BIRC5: variants seen among roughly 807,000 people sequenced by gnomAD.
The protein encoded by BIRC5 is baculoviral IAP repeat containing 5, also known as baculoviral IAP repeat-containing protein 5.
BIRC5 carries 8 observed loss-of-function variants against 15.8 expected under a neutral mutation model. The observed-to-expected ratio is 0.51, with a 90% CI of 0.30 to 0.91. The LOEUF is 0.91. Among genes scored for constraint, BIRC5 ranks in the 40% least tolerant of loss-of-function variants. BIRC5 has a pLI of 0.07. For synonymous variants in BIRC5, 56 were observed against 64.5 expected (o/e 0.87, Z 0.63); for missense variants, 163 against 178.6 (o/e 0.91, Z 0.50).
intron 2 of BIRC5, among the ~76,000 whole-genome samples, chr17:78,215,573 T>C (rs1376647509): frequency 6.6e-6 from 1 of 152,168 alleles, no homozygotes; most frequent in Non-Finnish European, 1.5e-5. Flanking sequence ...TTTCTCACCT[T>C]TTTTTCTGTC....
chr17:78,218,284 T>A (rs893566696), intron 3 of BIRC5, among the ~76,000 whole-genome samples: 2 of 151,422 alleles, frequency 1.3e-5, no homozygotes, highest in Non-Finnish European at 2.9e-5. Context: ...ATTTATTTAT[T>A]TATTTATTTA....
chr17:78,217,256 A>C (rs548903174), intron 3 of BIRC5, among the ~76,000 whole-genome samples: 1 of 149,220 alleles, frequency 6.7e-6, no homozygotes, highest in Non-Finnish European at 1.5e-5. Context: ...GATCACTGCA[A>C]CCTCCGCCTC....
At chr17:78,216,903 G>C in intron 3 of BIRC5, 122 bp downstream of exon 3, 1 of 678,814 alleles carries the variant, frequency 1.5e-6, no homozygotes, top group Non-Finnish European at 2.4e-6. Flanking sequence ...TTCTGAGATA[G>C]AGTTTCACTC....
rs1030763124 is a variant in BIRC5, at chr17:78,225,022, G to C, written c.*1468G>C. ...TAGCAGAAAATGCACTCCAGCCTCTGTACTCATCTAAGCTGCTTATTTTTG... is the reference window on the plus strand; with the variant it reads ...TAGCAGAAAATGCACTCCAGCCTCTCTACTCATCTAAGCTGCTTATTTTTG... On this transcript the variant is annotated 3_prime_UTR_variant, in exon 4 of 4. Coordinates refer to ENST00000350051, the MANE Select transcript of BIRC5 (RefSeq NM_001168.3). The C allele has an allele frequency of 2.0e-5, 3 of 152,218 alleles. No homozygotes were observed. The highest frequency in any genetic ancestry group is 2.9e-5 in the Non-Finnish European group (2 of 68,046). 9.4% of individuals were successfully genotyped at this position (152,218 alleles called of 1,614,324 possible).
intron 1 of BIRC5, 80 bp downstream of exon 1, chr17:78,214,507 G>T: frequency 7.3e-7 from 1 of 1,371,824 alleles, no homozygotes; most frequent in Non-Finnish European, 9.8e-7. Flanking sequence ...TGGGCCTCGG[G>T]GGTACAAGCC....
At chr17:78,216,576 T>G (rs2076479432) in intron 2 of BIRC5, 88 bp from the exon 3 acceptor site, 26 of 1,062,932 alleles carry the variant, frequency 2.4e-5, no homozygotes, top group Non-Finnish European at 4.3e-6. Context: ...GGTGTGCCTG[T>G]GGAGGGCGTG....
At chr17:78,217,957 T>A (rs8078726) in intron 3 of BIRC5, among the ~76,000 whole-genome samples, 3,829 of 27,716 alleles carry the variant, frequency 0.14, 175 homozygotes, top group African/African-American at 0.26. Flanking sequence ...ATGCCCACCT[T>A]ATTTATTTAT....
chr17:78,220,144 C>G (rs1275576014), intron 3 of BIRC5, among the ~76,000 whole-genome samples: 3 of 147,626 alleles, frequency 2.0e-5, no homozygotes, highest in Non-Finnish European at 4.5e-5. Context: ...AGTAGACTTT[C>G]AGGGCCGGGC....
In BIRC5 at chr17:78,214,375, C is replaced by G. The variant is rs372753451; in HGVS notation, c.59C>G (p.Ser20Cys). Residue 20 changes from serine to cysteine, a missense_variant, in exon 1 of 4, where the codon TCT (serine) becomes TGT (cysteine). Ser to Cys is a moderately radical substitution (Grantham distance 112). Transcript: ENST00000350051. ...CCCTTTCTCAAGGACCACCGCATCT[C>G]TACATTCAAGAACTGGCCCTTCTTG... Reference protein sequence around the residue: ...WQPFLKDHRISTFKNWPFLEG... With the variant: ...WQPFLKDHRICTFKNWPFLEG... 2.5e-6 allele frequency: 4 copies of G among 1,606,942 alleles called. No individual in the cohort carries two copies. The highest frequency in any genetic ancestry group is 1.7e-6 in the Non-Finnish European group (2 of 1,177,096).
chr17:78,214,459 C>A, intron 1 of BIRC5, 32 bp downstream of exon 1: 5 of 1,506,022 alleles, frequency 3.3e-6, no homozygotes, highest in Non-Finnish European at 4.5e-6. Context: ...GGGTCCCCCA[C>A]GCCCGCCTTG....
At chr17:78,215,463 A>C (rs1347826334) in intron 2 of BIRC5, among the ~76,000 whole-genome samples, 1 of 151,824 alleles carries the variant, frequency 6.6e-6, no homozygotes, top group Non-Finnish European at 1.5e-5. Flanking sequence ...CATATACTTC[A>C]GTGTTGTTCT....
intron 3 of BIRC5, chr17:78,222,696 T>C: frequency 7.8e-7 from 1 of 1,284,860 alleles, no homozygotes; most frequent in South Asian, 1.5e-5. Flanking sequence ...TAAGTTAACC[T>C]CTGTCAGCAA....
At chr17:78,218,077 C>T (rs1304831045) in intron 3 of BIRC5, among the ~76,000 whole-genome samples, 2 of 151,860 alleles carry the variant, frequency 1.3e-5, no homozygotes, top group Non-Finnish European at 2.9e-5. Context: ...TCCCAAAGTG[C>T]TGAGATTACA....
chr17:78,216,558 C>T (rs2076479312), intron 2 of BIRC5, 106 bp from the exon 3 acceptor site: 1 of 885,324 alleles, frequency 1.1e-6, no homozygotes, highest in Non-Finnish European at 1.8e-6. Flanking sequence ...ACTCCTGAGG[C>T]AGAGCAGGGT....
chr17:78,221,807 T>C (rs1359692821), intron 3 of BIRC5, among the ~76,000 whole-genome samples: 1 of 152,216 alleles, frequency 6.6e-6, no homozygotes, highest in Admixed American at 6.5e-5. Context: ...GAATAATCCA[T>C]GTGTGTATAT....
intron 2 of BIRC5, chr17:78,215,083 G>A: frequency 3.3e-6 from 1 of 298,676 alleles, no homozygotes. Context: ...ACGTCCAAGT[G>A]CTTTTTTTGA....
intron 2 of BIRC5, among the ~76,000 whole-genome samples, chr17:78,215,449 A>C (rs542565769): frequency 1.4e-4 from 22 of 151,850 alleles, no homozygotes; most frequent in South Asian, 2.1e-4. Context: ...AAAAAGAAAG[A>C]AAGCATATAC....
intron 3 of BIRC5, among the ~76,000 whole-genome samples, chr17:78,219,624 G>C (rs1159205270): frequency 1.3e-5 from 2 of 152,216 alleles, no homozygotes; most frequent in African/African-American, 2.4e-5. Flanking sequence ...TGGAAAGTGG[G>C]CTGGGGATCA....
In BIRC5 at chr17:78,223,491, A is replaced by G. The variant is rs150188047; in HGVS notation, c.366A>G (p.Lys122=). ...CAAAGGAAACCAACAATAAGAAGAA[A>G]GAATTTGAGGAAACTGCGGAGAAAG... ...KIAKETNNKK[K]EFEETAEKVR... The change falls in exon 4 of 4, where the codon AAA becomes AAG. Residue 122 remains lysine (K), a synonymous_variant. Transcript: ENST00000350051. 1 of 1,603,722 alleles carries G rather than the reference A, an allele frequency of 6.2e-7. No homozygotes were observed. Among genetic ancestry groups the G allele is most frequent in the Admixed American group, 1.7e-5 (1 of 58,014 alleles).
Sources: gnomAD v4.1 joint callset for allele counts (sites outside exome capture counted in the v4.1 genomes callset) on GRCh38, gnomAD v4.1.1 for gene constraint, MANE v1.5 for transcripts, NCBI Gene and HGNC (gene_info 2026-07-23, HGNC 2026-07-21) for gene names.